The following HDAC9 variants were observed in gnomAD, a reference collection of about 807,000 sequenced individuals.
HDAC9 encodes the protein histone deacetylase 9.
HDAC9 carries 41 observed loss-of-function variants against 139.4 expected under a neutral mutation model. The ratio of observed to expected loss-of-function variants is 0.29; its 90% CI spans 0.23 to 0.38. The LOEUF (loss-of-function observed/expected upper bound fraction) is 0.38. Among genes scored for constraint, HDAC9 ranks in the 10% least tolerant of loss-of-function variants. The probability of loss-of-function intolerance (pLI) is 1.00; values close to 1 mark genes in which losing one functional copy is unlikely to be tolerated. For missense variants in HDAC9, 1,147 were observed against 1,297.0 expected, an observed-to-expected ratio of 0.88 and a Z score of 1.78; for synonymous variants, 517 against 476.2, an observed-to-expected ratio of 1.09 and a Z score of -1.12.
chr7:18,457,216 G>C (rs1462725877), intron 1 of HDAC9, among the ~76,000 whole-genome samples: 2 of 152,118 alleles, frequency 1.3e-5, no homozygotes, highest in Non-Finnish European at 2.9e-5. Flanking sequence ...TCATATCCCA[G>C]AAAATGTGCA....
intron 2 of HDAC9, among the ~76,000 whole-genome samples, chr7:18,185,780 T>G (rs537907762): frequency 1.4e-3 from 220 of 152,236 alleles, no homozygotes; most frequent in African/African-American, 5.1e-3. Flanking sequence ...ATCAATGGAG[T>G]AAATGGGACA....
At chr7:18,458,695 G>A (rs962107098) in intron 1 of HDAC9, 2 of 528,240 alleles carry the variant, frequency 3.8e-6, no homozygotes, top group African/African-American at 1.9e-5. Flanking sequence ...GGCTTAACTA[G>A]GCAAAACTTC....
At chr7:18,642,127 G>A (rs1034572416) in intron 8 of HDAC9, among the ~76,000 whole-genome samples, 2 of 152,084 alleles carry the variant, frequency 1.3e-5, no homozygotes, top group African/African-American at 2.4e-5. Flanking sequence ...CGACATACCA[G>A]TTAAGAGTCT....
At chr7:18,696,141 T>C (rs1424744876) in intron 12 of HDAC9, among the ~76,000 whole-genome samples, 2 of 151,938 alleles carry the variant, frequency 1.3e-5, no homozygotes, top group African/African-American at 4.8e-5. Flanking sequence ...GCCAATCAGA[T>C]AGTGATCACT....
chr7:18,775,058 AAAGAG>A (rs1460435878), intron 16 of HDAC9, among the ~76,000 whole-genome samples: 1 of 152,002 alleles, frequency 6.6e-6, no homozygotes, highest in African/African-American at 2.4e-5. Flanking sequence ...GAGGCCTGAG[AAAGAG>A]AAGAGATGGA....
chr7:18,599,410 A>C (rs801536), intron 6 of HDAC9, among the ~76,000 whole-genome samples: 4 of 152,178 alleles, frequency 2.6e-5, no homozygotes, highest in Non-Finnish European at 5.9e-5. Flanking sequence ...ACCATTACAG[A>C]ATGATATAGA....
chr7:18,885,135 C>CT (rs1295350884), intron 22 of HDAC9, among the ~76,000 whole-genome samples: 1 of 152,216 alleles, frequency 6.6e-6, no homozygotes, highest in Non-Finnish European at 1.5e-5. Context: ...TTATCAAGGA[C>CT]TGCGGAGGGC....
intron 1 of HDAC9, among the ~76,000 whole-genome samples, chr7:18,326,925 G>A (rs985375636): frequency 2.6e-5 from 4 of 151,810 alleles, no homozygotes; most frequent in African/African-American, 9.7e-5. Context: ...CCTTTCCCCT[G>A]AATACCTTAT....
At chr7:18,880,419 A>T (rs576662026) in intron 22 of HDAC9, among the ~76,000 whole-genome samples, 1 of 152,198 alleles carries the variant, frequency 6.6e-6, no homozygotes, top group Admixed American at 6.5e-5. Flanking sequence ...AGTGCCCATC[A>T]ATGATTGACT....
chr7:18,334,897 T>C (rs1473782266), intron 1 of HDAC9, among the ~76,000 whole-genome samples: 5 of 151,380 alleles, frequency 3.3e-5, no homozygotes, highest in Non-Finnish European at 5.9e-5. Context: ...TACATAATGG[T>C]AGGTTAAAAA....
intron 14 of HDAC9, among the ~76,000 whole-genome samples, chr7:18,755,854 A>T (rs1161031080): frequency 6.6e-6 from 1 of 152,182 alleles, no homozygotes; most frequent in Non-Finnish European, 1.5e-5. Context: ...AGCAGTATTA[A>T]GACACATGAA....
intron 24 of HDAC9, among the ~76,000 whole-genome samples, chr7:18,966,880 G>A (rs933293156): frequency 1.3e-5 from 2 of 152,174 alleles, no homozygotes; most frequent in Admixed American, 6.5e-5. Context: ...ACTTCACTAT[G>A]TGTATATTTG....
At chr7:18,116,562 CAT>C (rs1282224397) in intron 1 of HDAC9, among the ~76,000 whole-genome samples, 12 of 152,046 alleles carry the variant, frequency 7.9e-5, no homozygotes, top group East Asian at 7.7e-4. Context: ...TTTTGGTTAA[CAT>C]ATGTATCACA....
At chr7:18,645,823 C>T (rs1022692260) in intron 9 of HDAC9, among the ~76,000 whole-genome samples, 1 of 152,116 alleles carries the variant, frequency 6.6e-6, no homozygotes, top group African/African-American at 2.4e-5. Flanking sequence ...GTGTCAAGTT[C>T]ACTTGTATGT....
At position 18,647,821 on chromosome 7, in the gene HDAC9, A is replaced by G. The variant is rs1481359407; in HGVS notation, c.1072A>G (p.Thr358Ala). Residue 358 changes from threonine (T) to alanine (A), a missense_variant, in exon 10 of 26, where the codon ACG (threonine) becomes GCG (alanine). Thr to Ala is a moderately conservative substitution (Grantham distance 58). Transcript: ENST00000686413. ...ACTCAAAGAAAAGCAGAAGTGTGAG[A>G]CGCAGACGCTTAGGCAAGGTGTTCC... ...NSLKEKQKCE[T>A]QTLRQGVPLP... The G allele has an allele frequency of 5.0e-6, 8 of 1,611,832 alleles. No homozygotes were observed. The East Asian group carries it at 1.6e-4, about 32-fold the overall frequency.
intron 2 of HDAC9, among the ~76,000 whole-genome samples, chr7:18,243,413 G>A (rs1405259954): frequency 1.3e-5 from 2 of 152,190 alleles, no homozygotes; most frequent in Non-Finnish European, 1.5e-5. Flanking sequence ...TCAAGAAAGG[G>A]CCCCATGTTG....
At chr7:18,799,736 A>C (rs1411001149) in intron 17 of HDAC9, among the ~76,000 whole-genome samples, 2 of 152,220 alleles carry the variant, frequency 1.3e-5, no homozygotes, top group Non-Finnish European at 2.9e-5. Flanking sequence ...CAGGAAGAAA[A>C]GAGAATGAAG....
At chr7:18,732,262 A>G (rs1327452254) in intron 13 of HDAC9, among the ~76,000 whole-genome samples, 2 of 152,204 alleles carry the variant, frequency 1.3e-5, no homozygotes, top group East Asian at 3.8e-4. Flanking sequence ...TGGTAAATCT[A>G]GAATATTATA....
intron 22 of HDAC9, among the ~76,000 whole-genome samples, chr7:18,881,370 A>G (rs539467081): frequency 8.5e-5 from 13 of 152,178 alleles, no homozygotes; most frequent in African/African-American, 3.1e-4. Context: ...CTCTCTTCTC[A>G]ATGGATATTT....
Sources: gnomAD v4.1 joint callset for allele counts (sites outside exome capture counted in the v4.1 genomes callset) on GRCh38, gnomAD v4.1.1 for gene constraint, MANE v1.5 for transcripts, NCBI Gene and HGNC (gene_info 2026-07-23, HGNC 2026-07-21) for gene names.